Variants in FBN2 observed in about 807,000 individuals in gnomAD.
FBN2 encodes fibrillin 2, also known as fibrillin-2.
In FBN2, 105 loss-of-function variants were observed where a neutral mutation model predicts 355.6. The ratio of observed to expected loss-of-function variants is 0.30; its 90% CI spans 0.25 to 0.35. The LOEUF is 0.35. FBN2 is among the 10% of genes least tolerant of loss of function. The pLI, the probability that FBN2 is intolerant of heterozygous loss-of-function variation, is 1.00. For missense variants in FBN2, 3,280 were observed against 3,758.7 expected (o/e 0.87, Z 3.33); for synonymous variants, 1,350 against 1,301.2 (o/e 1.04, Z -0.81).
intron 27 of FBN2, among the ~76,000 whole-genome samples, chr5:128,337,644 G>C (rs1363379385): frequency 1.3e-5 from 2 of 152,232 alleles, no homozygotes; most frequent in African/African-American, 4.8e-5. Context: ...AGCGGAGTCT[G>C]CCGAGTGGAT....
chr5:128,348,782 C>T lies in FBN2; in HGVS notation c.2989+565G>A, dbSNP rs529793485. ...ATGAAATTCAAGTTCAAACATGACA[C>T]TAATAAAGAAAAAGGTCAAATCACT... On this transcript the variant is annotated intron_variant, in intron 23 of 64. Coordinates refer to ENST00000262464, the MANE Select transcript of FBN2 (RefSeq NM_001999.4). Among the ~76,000 whole-genome samples, 4 of 151,980 alleles carry T rather than the reference C, an allele frequency of 2.6e-5. No homozygotes were observed. In the East Asian group the frequency reaches 7.7e-4, roughly 29 times the overall value.
At chr5:128,489,039 T>C (rs560191310) in intron 5 of FBN2, among the ~76,000 whole-genome samples, 3 of 152,194 alleles carry the variant, frequency 2.0e-5, no homozygotes, top group African/African-American at 4.8e-5. Context: ...CTGGGTCAAA[T>C]GGTATTTCTA....
At position 128,293,992 on chromosome 5, in the gene FBN2, C is replaced by A. The variant is rs558433991; in HGVS notation, c.6167-2338G>T. Among the ~76,000 whole-genome samples, 41 of 151,908 alleles carry A rather than the reference C, an allele frequency of 2.7e-4. No individual in the cohort carries two copies. In the South Asian group the frequency reaches 2.7e-3, roughly 10 times the overall value. ...CCCAATGCTATCCCTCCCTCCTCCCCCGACCCCACCACAGTCCCCAGAGTG... is the reference window on the plus strand; with the variant it reads ...CCCAATGCTATCCCTCCCTCCTCCCACGACCCCACCACAGTCCCCAGAGTG... On this transcript the variant is annotated intron_variant, in intron 48 of 64. Transcript: ENST00000262464.
chr5:128,326,203 C>A (rs866368378), intron 34 of FBN2, among the ~76,000 whole-genome samples: 16 of 152,142 alleles, frequency 1.1e-4, no homozygotes, highest in African/African-American at 3.4e-4. Flanking sequence ...CTCTTGATAT[C>A]TTTCCTTCTT....
At chr5:128,343,918 T>G (rs2126911207) in intron 25 of FBN2, among the ~76,000 whole-genome samples, 1 of 152,220 alleles carries the variant, frequency 6.6e-6, no homozygotes, top group East Asian at 1.9e-4. Flanking sequence ...CTGGTTTAAG[T>G]GTAGAGAAAA....
At chr5:128,389,128 G>A (rs572446156) in intron 11 of FBN2, among the ~76,000 whole-genome samples, 61 of 152,236 alleles carry the variant, frequency 4.0e-4, no homozygotes, top group African/African-American at 1.4e-3. Flanking sequence ...CTATTTTGCT[G>A]TTAATATTTC....
chr5:128,396,455 T>G (rs935253827), intron 8 of FBN2, among the ~76,000 whole-genome samples: 4 of 152,036 alleles, frequency 2.6e-5, no homozygotes, highest in African/African-American at 9.7e-5. Flanking sequence ...CAAAATAAGG[T>G]GACCACTCAG....
At chr5:128,369,889 A>T (rs1406899397) in intron 15 of FBN2, among the ~76,000 whole-genome samples, 1 of 152,178 alleles carries the variant, frequency 6.6e-6, no homozygotes, top group East Asian at 1.9e-4. Flanking sequence ...AAAAATAGTT[A>T]ACTACCATAT....
intron 11 of FBN2, among the ~76,000 whole-genome samples, chr5:128,383,508 A>C (rs1481876060): frequency 6.6e-6 from 1 of 152,122 alleles, no homozygotes; most frequent in Non-Finnish European, 1.5e-5. Flanking sequence ...ACTTCAAAAG[A>C]TATGTTACAA....
chr5:128,440,619 T>G (rs1490354693), intron 7 of FBN2, among the ~76,000 whole-genome samples: 21 of 152,194 alleles, frequency 1.4e-4, no homozygotes, highest in Admixed American at 1.4e-3. Context: ...ACATGAGATT[T>G]GGGTGGGGAC....
chr5:128,444,050 T>C (rs1561459914), intron 7 of FBN2, among the ~76,000 whole-genome samples: 10 of 144,296 alleles, frequency 6.9e-5, no homozygotes, highest in African/African-American at 2.6e-4. Flanking sequence ...AAATATCACT[T>C]GTTCTTTTTT....
chr5:128,445,572 T>C (rs965073341), intron 7 of FBN2, among the ~76,000 whole-genome samples: 1 of 152,120 alleles, frequency 6.6e-6, no homozygotes, highest in Non-Finnish European at 1.5e-5. Flanking sequence ...TAAACTACTT[T>C]TGGAAAGAGA....
intron 9 of FBN2, 125 bp downstream of exon 9, chr5:128,394,997 G>A: frequency 9.6e-7 from 1 of 1,044,940 alleles, no homozygotes; most frequent in South Asian, 1.3e-5. Flanking sequence ...TGTTGCCCAG[G>A]CTGGTTTTGA....
intron 7 of FBN2, among the ~76,000 whole-genome samples, chr5:128,425,135 A>T (rs984712767): frequency 6.0e-4 from 91 of 152,060 alleles, no homozygotes; most frequent in African/African-American, 2.1e-3. Flanking sequence ...GACAAACTTA[A>T]AACTTAAAAC....
chr5:128,297,142 G>C (rs1262687521), intron 48 of FBN2, among the ~76,000 whole-genome samples: 1 of 151,214 alleles, frequency 6.6e-6, no homozygotes, highest in African/African-American at 2.4e-5. Flanking sequence ...ATGTAGTTGA[G>C]CGGTTTTGAG....
intron 5 of FBN2, among the ~76,000 whole-genome samples, chr5:128,514,390 C>T (rs1049715255): frequency 1.3e-5 from 2 of 151,958 alleles, no homozygotes; most frequent in Non-Finnish European, 2.9e-5. Flanking sequence ...ACTTTTTGTT[C>T]CTACTCCTAT....
At chr5:128,447,102 G>C (rs375256996) in intron 6 of FBN2, among the ~76,000 whole-genome samples, 5 of 151,942 alleles carry the variant, frequency 3.3e-5, no homozygotes, top group African/African-American at 1.2e-4. Flanking sequence ...TGTCATCTTC[G>C]TAAGCTGAGG....
At chr5:128,503,811 G>A (rs553578168) in intron 5 of FBN2, among the ~76,000 whole-genome samples, 2 of 152,298 alleles carry the variant, frequency 1.3e-5, no homozygotes, top group South Asian at 2.1e-4. Context: ...AAGTAATGAG[G>A]AACCAAATGT....
At chr5:128,416,938 G>T (rs1753217618) in intron 7 of FBN2, among the ~76,000 whole-genome samples, 1 of 151,882 alleles carries the variant, frequency 6.6e-6, no homozygotes, top group East Asian at 1.9e-4. Context: ...AGATTGTTTT[G>T]GGTAATATAA....
Sources: gnomAD v4.1 joint callset for allele counts (sites outside exome capture counted in the v4.1 genomes callset) on GRCh38, gnomAD v4.1.1 for gene constraint, MANE v1.5 for transcripts, NCBI Gene and HGNC (gene_info 2026-07-23, HGNC 2026-07-21) for gene names.